Variants in TCF7L2 observed in about 807,000 individuals in gnomAD.
The protein encoded by TCF7L2 is transcription factor 7-like 2.
TCF7L2 carries 23 observed loss-of-function variants against 77.9 expected under a neutral mutation model. The ratio of observed to expected loss-of-function variants is 0.30; its 90% CI spans 0.21 to 0.42. TCF7L2 has a LOEUF of 0.42. TCF7L2 is among the 10% of genes least tolerant of loss of function. TCF7L2 has a pLI of 1.00. For missense variants in TCF7L2, 654 were observed against 793.1 expected, an observed-to-expected ratio of 0.82 and a Z score of 2.11; for synonymous variants, 413 against 340.2, an observed-to-expected ratio of 1.21 and a Z score of -2.36.
intron 5 of TCF7L2, among the ~76,000 whole-genome samples, chr10:113,133,733 C>A (rs981081160): frequency 4.6e-5 from 7 of 152,180 alleles, no homozygotes; most frequent in African/African-American, 1.7e-4. Flanking sequence ...TCACAGACGG[C>A]AGGGAGAATC....
At chr10:112,984,205 T>TGCAA (rs1343916258) in intron 4 of TCF7L2, among the ~76,000 whole-genome samples, 1 of 152,222 alleles carries the variant, frequency 6.6e-6, no homozygotes, top group African/African-American at 2.4e-5. Flanking sequence ...CCTTTTGACT[T>TGCAA]GGGGAGCTGT....
chr10:112,980,431 A>G (rs949804635), intron 4 of TCF7L2, among the ~76,000 whole-genome samples: 1 of 152,212 alleles, frequency 6.6e-6, no homozygotes, highest in African/African-American at 2.4e-5. Flanking sequence ...TTTGATACAG[A>G]AATGAAATGG....
intron 3 of TCF7L2, among the ~76,000 whole-genome samples, chr10:112,955,102 C>G (rs78132812): frequency 1.3e-5 from 2 of 152,032 alleles, no homozygotes; most frequent in Non-Finnish European, 1.5e-5. Context: ...TCCCACCCCC[C>G]CACCTCACCC....
At chr10:113,017,065 A>T (rs1193909899) in intron 4 of TCF7L2, among the ~76,000 whole-genome samples, 1 of 152,068 alleles carries the variant, frequency 6.6e-6, no homozygotes, top group African/African-American at 2.4e-5. Context: ...ACTCCTCAAC[A>T]CACTCCTTTC....
intron 5 of TCF7L2, among the ~76,000 whole-genome samples, chr10:113,104,305 C>T (rs1253963850): frequency 6.6e-6 from 1 of 152,190 alleles, no homozygotes; most frequent in Non-Finnish European, 1.5e-5. Context: ...CCCAGGCAGC[C>T]TCCTCTTGCC....
intron 8 of TCF7L2, 34 bp from the exon 9 acceptor site, chr10:113,150,964 A>T (rs1310005533): frequency 1.9e-6 from 3 of 1,608,712 alleles, no homozygotes; most frequent in Admixed American, 3.4e-5. Context: ...ATTCATTTTG[A>T]TTCTGACGAT....
chr10:113,117,401 CT>C (rs2063904684), intron 5 of TCF7L2, among the ~76,000 whole-genome samples: 1 of 51,306 alleles, frequency 1.9e-5, no homozygotes, highest in Non-Finnish European at 4.0e-5. Context: ...CTCTCTCTCT[CT>C]CTCTCTCTCT....
intron 5 of TCF7L2, among the ~76,000 whole-genome samples, chr10:113,130,715 A>G (rs1425273127): frequency 6.6e-6 from 1 of 152,042 alleles, no homozygotes; most frequent in Non-Finnish European, 1.5e-5. Context: ...AGGATCCATT[A>G]TACTCTCTTC....
At chr10:113,007,551 A>C (rs1301221388) in intron 4 of TCF7L2, among the ~76,000 whole-genome samples, 1 of 152,228 alleles carries the variant, frequency 6.6e-6, no homozygotes, top group Admixed American at 6.5e-5. Flanking sequence ...TAATAGCTTG[A>C]CTGAAGGTTG....
chr10:112,977,510 A>C (rs1488297838), intron 4 of TCF7L2, among the ~76,000 whole-genome samples: 6 of 152,290 alleles, frequency 3.9e-5, no homozygotes, highest in African/African-American at 1.4e-4. Flanking sequence ...ACCTGTTATG[A>C]TCCGATGACA....
intron 4 of TCF7L2, among the ~76,000 whole-genome samples, chr10:113,017,963 A>G (rs2047624727): frequency 6.6e-6 from 1 of 152,170 alleles, no homozygotes; most frequent in Non-Finnish European, 1.5e-5. Context: ...TTAGTGTATT[A>G]AAAGGGCTGG....
At chr10:113,149,391 G>A (rs1418976546) in intron 8 of TCF7L2, among the ~76,000 whole-genome samples, 1 of 152,250 alleles carries the variant, frequency 6.6e-6, no homozygotes, top group East Asian at 1.9e-4. Context: ...CTTCACTACT[G>A]GCTTAAATTT....
chr10:113,058,551 CCCTTCCTTTTG>C (rs534207570), intron 5 of TCF7L2, among the ~76,000 whole-genome samples: 1 of 152,110 alleles, frequency 6.6e-6, no homozygotes, highest in Non-Finnish European at 1.5e-5. Context: ...TAGCCCCAGC[CCCTTCCTTTTG>C]CTTCCTGGTC....
chr10:113,128,951 CTCTT>C (rs761426773), intron 5 of TCF7L2, among the ~76,000 whole-genome samples: 1 of 152,182 alleles, frequency 6.6e-6, no homozygotes, highest in African/African-American at 2.4e-5. Context: ...CTCTCTCTCT[CTCTT>C]TCTTTCTCTC....
chr10:113,113,576 C>T (rs2063393442), intron 5 of TCF7L2, among the ~76,000 whole-genome samples: 1 of 152,138 alleles, frequency 6.6e-6, no homozygotes, highest in South Asian at 2.1e-4. Context: ...ACAGTGTTCA[C>T]CCCCTTTAGA....
intron 5 of TCF7L2, among the ~76,000 whole-genome samples, chr10:113,067,494 G>A (rs1056353173): frequency 1.5e-4 from 23 of 152,162 alleles, no homozygotes; most frequent in Non-Finnish European, 2.1e-4. Flanking sequence ...GAAATATTCA[G>A]CCATAATTTT....
intron 4 of TCF7L2, among the ~76,000 whole-genome samples, chr10:112,973,782 C>T (rs1246468539): frequency 2.0e-5 from 3 of 152,054 alleles, no homozygotes; most frequent in East Asian, 1.9e-4. Context: ...GTAGATACGG[C>T]GTTTCACCAT....
chr10:113,136,420 T>C (rs2067406593), intron 5 of TCF7L2, among the ~76,000 whole-genome samples: 1 of 152,202 alleles, frequency 6.6e-6, no homozygotes, highest in Admixed American at 6.5e-5. Flanking sequence ...GAGTTATTCA[T>C]ATATGAGTGT....
chr10:113,049,054 G>T (rs1470470919), intron 5 of TCF7L2, among the ~76,000 whole-genome samples: 1 of 152,106 alleles, frequency 6.6e-6, no homozygotes, highest in Non-Finnish European at 1.5e-5. Flanking sequence ...GGTCTGGCTT[G>T]GAAAGTGTAT....
Sources: gnomAD v4.1 joint callset for allele counts (sites outside exome capture counted in the v4.1 genomes callset) on GRCh38, gnomAD v4.1.1 for gene constraint, MANE v1.5 for transcripts, NCBI Gene and HGNC (gene_info 2026-07-23, HGNC 2026-07-21) for gene names.